RALYL: variants seen among roughly 807,000 people sequenced by gnomAD.
RALYL encodes the protein RALY RNA binding protein like, also known as RNA-binding Raly-like protein.
A neutral mutation model predicts 35.1 loss-of-function variants in RALYL; 29 were observed. The observed-to-expected ratio is 0.83, with a 90% CI of 0.61 to 1.13. The LOEUF is 1.13. Among genes scored for constraint, RALYL ranks in the 50% most tolerant of loss-of-function variants. The pLI is 0.00. For missense variants in RALYL, 359 were observed against 360.4 expected, an observed-to-expected ratio of 1.00 and a Z score of 0.03; for synonymous variants, 120 against 127.6, an observed-to-expected ratio of 0.94 and a Z score of 0.40.
intron 1 of RALYL, among the ~76,000 whole-genome samples, chr8:84,216,003 T>A (rs1033502367): frequency 6.6e-6 from 1 of 152,098 alleles, no homozygotes; most frequent in Non-Finnish European, 1.5e-5. Flanking sequence ...AGTCCCAGAG[T>A]AACATTTGAC....
intron 4 of RALYL, among the ~76,000 whole-genome samples, chr8:84,806,810 G>A (rs1157568971): frequency 2.0e-5 from 3 of 152,040 alleles, no homozygotes; most frequent in South Asian, 4.1e-4. Context: ...TCAGGAGTTC[G>A]AGACCAGGCT....
chr8:84,779,837 A>G (rs896848464), intron 3 of RALYL, among the ~76,000 whole-genome samples: 2 of 152,220 alleles, frequency 1.3e-5, no homozygotes, highest in Non-Finnish European at 1.5e-5. Flanking sequence ...TGGTGGCTCT[A>G]GCACATCATG....
intron 7 of RALYL, 57 bp downstream of exon 7, chr8:84,873,454 C>T (rs1476418531): frequency 3.7e-6 from 4 of 1,071,440 alleles, no homozygotes; most frequent in Non-Finnish European, 5.6e-6. Flanking sequence ...CGTTGTCAAT[C>T]ACAGAAGCAG....
At chr8:84,428,354 G>A (rs913771000) in intron 1 of RALYL, among the ~76,000 whole-genome samples, 1 of 152,062 alleles carries the variant, frequency 6.6e-6, no homozygotes, top group South Asian at 2.1e-4. Flanking sequence ...CATCACCTCC[G>A]AGGAGTTTCA....
chr8:84,772,119 T>A (rs1586130271), intron 2 of RALYL, among the ~76,000 whole-genome samples: 1 of 152,128 alleles, frequency 6.6e-6, no homozygotes, highest in East Asian at 1.9e-4. Flanking sequence ...TTTCCCTCAC[T>A]GATCTGCTAT....
chr8:84,920,187 G>T (rs555889003), intron 8 of RALYL, among the ~76,000 whole-genome samples: 1 of 152,088 alleles, frequency 6.6e-6, no homozygotes, highest in Non-Finnish European at 1.5e-5. Context: ...GAAGTTGATG[G>T]GATAACAGTA....
At chr8:84,909,529 T>A (rs1847148350) in intron 8 of RALYL, among the ~76,000 whole-genome samples, 1 of 152,130 alleles carries the variant, frequency 6.6e-6, no homozygotes, top group Admixed American at 6.6e-5. Context: ...GTAACAATGA[T>A]GTTGAGAGCT....
Position 84,786,636 on chromosome 8 carries a change from A to C in RALYL, c.332+11982A>C, listed in dbSNP as rs1262664107. Among the ~76,000 whole-genome samples the C allele has an allele frequency of 2.0e-5, 3 of 152,300 alleles. No homozygotes were observed. The East Asian group carries it at 5.8e-4, about 29-fold the overall frequency. ...GCTGCATAAATGTCTTCTTTTGAGA[A>C]GTGTCTGTTCATGTCCTTTACCTAC... is the stretch of plus-strand genomic sequence containing the variant. On this transcript the variant is annotated intron_variant, in intron 3 of 8. Transcript: ENST00000521268.
chr8:84,591,441 C>CA (rs1813246541), intron 2 of RALYL, among the ~76,000 whole-genome samples: 1 of 152,122 alleles, frequency 6.6e-6, no homozygotes, highest in Non-Finnish European at 1.5e-5. Flanking sequence ...CAGATGGGCC[C>CA]AGATAGTGCT....
chr8:84,876,348 T>A (rs1320306935), intron 7 of RALYL, among the ~76,000 whole-genome samples: 2 of 152,208 alleles, frequency 1.3e-5, no homozygotes. Context: ...TATTATTTTT[T>A]CCATTACATC....
intron 1 of RALYL, among the ~76,000 whole-genome samples, chr8:84,527,117 A>G (rs1423136806): frequency 6.6e-6 from 1 of 152,246 alleles, no homozygotes; most frequent in Non-Finnish European, 1.5e-5. Flanking sequence ...TTACTCTTAT[A>G]AACACTGATA....
At chr8:84,567,002 C>T (rs72679367) in intron 2 of RALYL, among the ~76,000 whole-genome samples, 16,021 of 151,648 alleles carry the variant, frequency 0.11, 1,217 homozygotes, top group Non-Finnish European at 0.17. Context: ...TCCTCCCATT[C>T]CTCATTTGTA....
At chr8:84,411,678 C>T (rs2044116619) in intron 1 of RALYL, among the ~76,000 whole-genome samples, 1 of 151,914 alleles carries the variant, frequency 6.6e-6, no homozygotes, top group South Asian at 2.1e-4. Flanking sequence ...TCTATCTTTT[C>T]CCCTAGTGAA....
intron 1 of RALYL, among the ~76,000 whole-genome samples, chr8:84,304,127 A>G (rs1239627561): frequency 1.3e-5 from 2 of 151,802 alleles, no homozygotes; most frequent in African/African-American, 4.8e-5. Context: ...TTATTTATTT[A>G]TTTATTTTTA....
At chr8:84,525,953 CTTTTTTTTTTTTTT>C (rs35794329) in intron 1 of RALYL, among the ~76,000 whole-genome samples, 1 of 104,868 alleles carries the variant, frequency 9.5e-6, no homozygotes, top group Non-Finnish European at 1.9e-5. Flanking sequence ...TTTCTTTTTT[CTTTTTTTTTTTTTT>C]TTTTTTTTGA....
rs766347902 is a variant in RALYL, at chr8:84,200,004, GT to G, written c.-24+15583del. On this transcript the variant is annotated intron_variant, in intron 1 of 8. Transcript: ENST00000521268. ...TAATTTTAGTCAGCTATTTGGAATA[GT>G]TTGAAAATCCCAGTACTTATTATGT... Among the ~76,000 whole-genome samples the G allele has an allele frequency of 7.9e-4, 115 of 146,210 alleles. 1 individual carries two copies. Among genetic ancestry groups the G allele is most frequent in the Non-Finnish European group, 1.3e-3 (89 of 66,302 alleles).
At chr8:84,812,111 C>T (rs1016485590) in intron 4 of RALYL, among the ~76,000 whole-genome samples, 1 of 152,034 alleles carries the variant, frequency 6.6e-6, no homozygotes, top group African/African-American at 2.4e-5. Context: ...TTCTGGTTCC[C>T]TTTCATTTGG....
chr8:84,625,270 T>C (rs1822479007), intron 2 of RALYL, among the ~76,000 whole-genome samples: 2 of 152,158 alleles, frequency 1.3e-5, no homozygotes, highest in African/African-American at 4.8e-5. Flanking sequence ...TATTGTATTA[T>C]AGTAAATGAA....
chr8:84,837,278 G>A (rs182676863), intron 4 of RALYL, among the ~76,000 whole-genome samples: 34 of 152,220 alleles, frequency 2.2e-4, no homozygotes, highest in Admixed American at 2.0e-3. Flanking sequence ...TCCTAGTATT[G>A]CACCTGACTT....
Sources: gnomAD v4.1 joint callset for allele counts (sites outside exome capture counted in the v4.1 genomes callset) on GRCh38, gnomAD v4.1.1 for gene constraint, MANE v1.5 for transcripts, NCBI Gene and HGNC (gene_info 2026-07-23, HGNC 2026-07-21) for gene names.